The following PDE1C variants were observed in gnomAD, a reference collection of about 807,000 sequenced individuals.
The protein encoded by PDE1C is dual specificity calcium/calmodulin-dependent 3',5'-cyclic nucleotide phosphodiesterase 1C.
In PDE1C, 62 loss-of-function variants were observed where a neutral mutation model predicts 93.1. The observed-to-expected ratio is 0.67, with a 90% CI of 0.54 to 0.82. The LOEUF (loss-of-function observed/expected upper bound fraction) is 0.82. PDE1C is among the 40% of genes least tolerant of loss of function. The probability of loss-of-function intolerance (pLI) is 0.00; values close to 1 mark genes in which losing one functional copy is unlikely to be tolerated. For synonymous variants in PDE1C, 325 were observed against 310.1 expected, an observed-to-expected ratio of 1.05 and a Z score of -0.50; for missense variants, 742 against 884.6, an observed-to-expected ratio of 0.84 and a Z score of 2.04.
the PDE1C span, among the ~76,000 whole-genome samples, chr7:31,666,363 C>T: frequency 6.6e-6 from 1 of 152,156 alleles, no homozygotes; most frequent in Non-Finnish European, 1.5e-5. Context: ...CTTTCTCATA[C>T]CGTCCTTTAA....
intron 2 of PDE1C, among the ~76,000 whole-genome samples, chr7:31,980,727 C>T (rs548390925): frequency 3.3e-5 from 5 of 152,314 alleles, no homozygotes; most frequent in African/African-American, 7.2e-5. Flanking sequence ...ATCAAGATGT[C>T]TACAGGGCAG....
intron 2 of PDE1C, among the ~76,000 whole-genome samples, chr7:32,181,764 T>A (rs1373004931): frequency 6.6e-6 from 1 of 151,864 alleles, no homozygotes; most frequent in East Asian, 1.9e-4. Context: ...GCAAACATAT[T>A]CAAAAGCTAG....
chr7:31,898,179 C>T (rs545635597), intron 2 of PDE1C, among the ~76,000 whole-genome samples: 2 of 152,056 alleles, frequency 1.3e-5, no homozygotes, highest in African/African-American at 2.4e-5. Flanking sequence ...TTCATAGTCT[C>T]CCACAAATTT....
the PDE1C span, chr7:31,708,089 G>A: frequency 6.6e-6 from 1 of 152,204 alleles, no homozygotes; most frequent in Non-Finnish European, 1.5e-5. Flanking sequence ...TAAGGTCAAT[G>A]AAAGCCATTC....
chr7:32,161,357 G>A (rs2128798133), intron 3 of PDE1C, among the ~76,000 whole-genome samples: 1 of 152,262 alleles, frequency 6.6e-6, no homozygotes, highest in African/African-American at 2.4e-5. Context: ...CTACACCCGT[G>A]ATCTCACTGC....
intron 1 of PDE1C, among the ~76,000 whole-genome samples, chr7:32,262,475 T>G (rs1349606902): frequency 1.3e-5 from 2 of 152,172 alleles, no homozygotes; most frequent in African/African-American, 4.8e-5. Context: ...GCCTGCCGTG[T>G]AGCAGGGTGG....
At chr7:31,978,756 A>G (rs1316377235) in intron 2 of PDE1C, among the ~76,000 whole-genome samples, 24 of 152,302 alleles carry the variant, frequency 1.6e-4, no homozygotes, top group African/African-American at 2.4e-5. Flanking sequence ...AATTTCTGGA[A>G]GAGATTAAGG....
intron 1 of PDE1C, among the ~76,000 whole-genome samples, chr7:32,311,199 C>G (rs1056260885): frequency 2.0e-5 from 3 of 152,134 alleles, no homozygotes; most frequent in Admixed American, 6.5e-5. Context: ...CAAGACTAAA[C>G]CAGGAAGAAG....
chr7:31,746,392 T>A (rs940419710), downstream of PDE1C, among the ~76,000 whole-genome samples: 1 of 152,102 alleles, frequency 6.6e-6, no homozygotes, highest in Non-Finnish European at 1.5e-5. Context: ...GTACAAGAGC[T>A]GCAGGAGAAT....
intron 3 of PDE1C, among the ~76,000 whole-genome samples, chr7:32,106,940 A>G (rs1410717238): frequency 6.6e-6 from 1 of 151,924 alleles, no homozygotes; most frequent in Non-Finnish European, 1.5e-5. Flanking sequence ...CGGACAGTAT[A>G]CAAAAATAGA....
Position 32,399,409 on chromosome 7 carries a change from TG to T in PDE1C, c.310+28412del, listed in dbSNP as rs1360510833. The stretch of plus-strand genomic sequence containing the variant: ...TTTATTTTCTCATGGTTCTGGAGGC[TG>T]GAAGTCCATCATCAGGGTGCTAGCA... On this transcript the variant is annotated intron_variant, in intron 1 of 1. Transcript: ENST00000672256. Among the ~76,000 whole-genome samples, 7 of 152,240 alleles carry T rather than the reference TG, an allele frequency of 4.6e-5. No individual in the cohort carries two copies. The South Asian group carries it at 1.5e-3, about 32-fold the overall frequency.
At chr7:31,869,052 C>T (rs770167680) in intron 6 of PDE1C, among the ~76,000 whole-genome samples, 11 of 151,970 alleles carry the variant, frequency 7.2e-5, no homozygotes, top group African/African-American at 2.7e-4. Context: ...GGGAGTCTTA[C>T]GCCTGGAAAC....
chr7:32,246,899 T>C (rs1020676729), intron 1 of PDE1C, among the ~76,000 whole-genome samples: 1 of 152,246 alleles, frequency 6.6e-6, no homozygotes, highest in African/African-American at 2.4e-5. Flanking sequence ...ATGTATTGAG[T>C]GCTTTCTCTG....
chr7:31,649,795 C>G, the PDE1C span, among the ~76,000 whole-genome samples: 1 of 152,138 alleles, frequency 6.6e-6, no homozygotes, highest in Non-Finnish European at 1.5e-5. Flanking sequence ...CATCAGAGTG[C>G]CGGCAAATGG....
chr7:31,910,432 C>A (rs375002275), intron 2 of PDE1C, among the ~76,000 whole-genome samples: 2 of 152,154 alleles, frequency 1.3e-5, no homozygotes, highest in African/African-American at 4.8e-5. Flanking sequence ...CTCCTTGGTG[C>A]TGTCTTGTAC....
intron 2 of PDE1C, among the ~76,000 whole-genome samples, chr7:31,891,809 C>G (rs1583819871): frequency 1.5e-5 from 1 of 65,426 alleles, no homozygotes; most frequent in Non-Finnish European, 2.8e-5. Flanking sequence ...CATTCATACA[C>G]ACACACACAC....
chr7:32,298,063 TC>T (rs1193436779), intron 1 of PDE1C, among the ~76,000 whole-genome samples: 2 of 36,940 alleles, frequency 5.4e-5, no homozygotes, highest in African/African-American at 1.3e-4. Flanking sequence ...TCTCTCTCTC[TC>T]CCCTCTCTCT....
At chr7:31,745,608 C>T in the PDE1C span, among the ~76,000 whole-genome samples, 1 of 151,964 alleles carries the variant, frequency 6.6e-6, no homozygotes, top group East Asian at 1.9e-4. Context: ...TTATGTGGGG[C>T]CTAGGAGAAC....
the PDE1C span, among the ~76,000 whole-genome samples, chr7:31,734,831 G>C: frequency 1.3e-5 from 2 of 152,166 alleles, no homozygotes; most frequent in African/African-American, 4.8e-5. Context: ...TGGCTGCCAA[G>C]TTGTTAGAAC....
Sources: gnomAD v4.1 joint callset for allele counts (sites outside exome capture counted in the v4.1 genomes callset) on GRCh38, gnomAD v4.1.1 for gene constraint, MANE v1.5 for transcripts, NCBI Gene and HGNC (gene_info 2026-07-23, HGNC 2026-07-21) for gene names.